SH3BGR: variants seen among roughly 807,000 people sequenced by gnomAD.
SH3BGR encodes SH3 domain binding glutamate rich protein.
SH3BGR carries 29 observed loss-of-function variants against 24.5 expected under a neutral mutation model. The ratio of observed to expected loss-of-function variants is 1.18; its 90% CI spans 0.88 to 1.61. SH3BGR has a LOEUF of 1.61. Among genes scored for constraint, SH3BGR ranks in the 40% most tolerant of loss-of-function variants. The pLI, the probability that SH3BGR is intolerant of heterozygous loss-of-function variation, is 0.00. For missense variants in SH3BGR, 162 were observed against 205.8 expected (o/e 0.79, Z 1.30); for synonymous variants, 55 against 65.7 (o/e 0.84, Z 0.79).
chr21:39,448,316 T>G (rs142398850), upstream of SH3BGR, among the ~76,000 whole-genome samples: 97 of 152,338 alleles, frequency 6.4e-4, no homozygotes, highest in African/African-American at 2.2e-3. Flanking sequence ...ATTTCCATCA[T>G]TCTACATAAT....
At chr21:39,477,057 T>C (rs2078038956) in intron 3 of SH3BGR, among the ~76,000 whole-genome samples, 2 of 152,194 alleles carry the variant, frequency 1.3e-5, no homozygotes, top group African/African-American at 4.8e-5. Flanking sequence ...ATTCCTTTTT[T>C]TATAGCATTA....
chr21:39,461,953 A>G (rs1457651196), intron 1 of SH3BGR, among the ~76,000 whole-genome samples: 1 of 151,966 alleles, frequency 6.6e-6, no homozygotes, highest in Non-Finnish European at 1.5e-5. Context: ...GGCTCAAGTG[A>G]TTCTCCTGCC....
chr21:39,510,747 A>G (rs1311133848), intron 5 of SH3BGR, among the ~76,000 whole-genome samples: 1 of 151,512 alleles, frequency 6.6e-6, no homozygotes, highest in African/African-American at 2.4e-5. Context: ...ATAAAAACAT[A>G]TTGTTAATTT....
At chr21:39,499,255 C>CTATCTATCTATCT (rs1555914088) in intron 3 of SH3BGR, among the ~76,000 whole-genome samples, 13 of 151,082 alleles carry the variant, frequency 8.6e-5, no homozygotes, top group Non-Finnish European at 1.6e-4. Context: ...ACCTATCTAT[C>CTATCTATCTATCT]ATCTGTCTAT....
At chr21:39,468,439 C>G (rs191126377) in intron 2 of SH3BGR, among the ~76,000 whole-genome samples, 7 of 152,256 alleles carry the variant, frequency 4.6e-5, no homozygotes, top group African/African-American at 1.7e-4. Flanking sequence ...CCCCTCTGCA[C>G]CAGTGATAGT....
intron 2 of SH3BGR, among the ~76,000 whole-genome samples, chr21:39,470,626 G>A (rs2077923718): frequency 6.6e-6 from 1 of 152,090 alleles, no homozygotes; most frequent in Non-Finnish European, 1.5e-5. Flanking sequence ...CATGTGTTTG[G>A]TTTTTCAGTA....
At chr21:39,508,415 T>G (rs1003575860) in intron 4 of SH3BGR, among the ~76,000 whole-genome samples, 5 of 152,228 alleles carry the variant, frequency 3.3e-5, no homozygotes, top group African/African-American at 4.8e-5. Flanking sequence ...GCTTGCACAG[T>G]AGAGACCTAT....
chr21:39,456,746 T>C (rs1356176409), intron 1 of SH3BGR, among the ~76,000 whole-genome samples: 1 of 152,156 alleles, frequency 6.6e-6, no homozygotes, highest in Non-Finnish European at 1.5e-5. Context: ...TGCCAGAAGT[T>C]TAAGAGAAAT....
rs370256220 is a variant in SH3BGR at position 39,511,397 on chromosome 21, G to T, written c.436-283G>T. Among the ~76,000 whole-genome samples, 33 of 149,936 alleles carry T rather than the reference G, an allele frequency of 2.2e-4. No homozygotes were observed. In the East Asian group the frequency reaches 2.4e-3, roughly 11 times the overall value. On this transcript the variant is annotated intron_variant, in intron 5 of 6. Transcript: ENST00000333634. This position sits in a 1 kb window ranked among gnomAD's most constrained non-coding sequence, Gnocchi z 4.2. Reference sequence around the variant, plus strand: ...TGGTGTGTATGTGGTGTGTGTGCGTGGATGTGTGTCTGGGTGGTGTGTGGG... The same window carrying T: ...TGGTGTGTATGTGGTGTGTGTGCGTTGATGTGTGTCTGGGTGGTGTGTGGG...
chr21:39,457,901 G>T lies in SH3BGR; in HGVS notation c.46-4474G>T, dbSNP rs141852198. Among the ~76,000 whole-genome samples, 619 of 151,798 alleles carry T rather than the reference G, an allele frequency of 4.1e-3. 5 individuals carry two copies. Among genetic ancestry groups the T allele is most frequent in the African/African-American group, 0.014 (582 of 41,358 alleles). The stretch of plus-strand genomic sequence containing the variant: ...GATCGTGCCACTGCGCTCCAGCCTG[G>T]GCAACAGAGGGAGACCCTGTGTCAA... On this transcript the variant is annotated intron_variant, in intron 1 of 6. Coordinates refer to ENST00000333634, the MANE Select transcript of SH3BGR (RefSeq NM_007341.3).
At chr21:39,451,729 C>T (rs1602056243), upstream of SH3BGR, 8 of 788,658 alleles carry the variant, frequency 1.0e-5, no homozygotes, top group East Asian at 1.7e-4. Flanking sequence ...CTCCCTTGGC[C>T]CCAAGGCATC....
rs1385563239 is a variant in SH3BGR, at chr21:39,511,177, A to G, written c.436-503A>G. On this transcript the variant is annotated intron_variant, in intron 5 of 6. Coordinates refer to ENST00000333634, the MANE Select transcript of SH3BGR (RefSeq NM_007341.3). This position sits in a 1 kb window ranked among gnomAD's most constrained non-coding sequence, Gnocchi z 4.2. ...GTGTATGTGTATTTGTGTGTGGTGT[A>G]TATGGTGTGTGGTGTGTTTGGTGTG... Among the ~76,000 whole-genome samples the G allele has an allele frequency of 2.0e-5, 3 of 148,064 alleles. No homozygotes were observed. Among genetic ancestry groups the G allele is most frequent in the African/African-American group, 5.0e-5 (2 of 40,116 alleles).
chr21:39,514,562 A>AT (rs1390406261), intron 6 of SH3BGR, among the ~76,000 whole-genome samples: 8 of 152,054 alleles, frequency 5.3e-5, no homozygotes, highest in African/African-American at 1.9e-4. Flanking sequence ...GGGTTTCACC[A>AT]TGTTGCCTAG....
intron 1 of SH3BGR, among the ~76,000 whole-genome samples, chr21:39,461,290 A>C (rs536784568): frequency 1.8e-4 from 28 of 152,172 alleles, no homozygotes; most frequent in African/African-American, 6.7e-4. Flanking sequence ...GGCATGCGCC[A>C]CCACGCCTGG....
intron 3 of SH3BGR, among the ~76,000 whole-genome samples, chr21:39,495,177 G>C (rs1463780301): frequency 1.3e-5 from 2 of 152,056 alleles, no homozygotes; most frequent in African/African-American, 4.8e-5. Flanking sequence ...CAGCATCCAG[G>C]TCTTTTCTGT....
chr21:39,489,933 G>A (rs2078271591), intron 3 of SH3BGR, among the ~76,000 whole-genome samples: 1 of 152,188 alleles, frequency 6.6e-6, no homozygotes. Flanking sequence ...GTTCATCACT[G>A]TGGATGGAAC....
intron 3 of SH3BGR, among the ~76,000 whole-genome samples, chr21:39,478,424 A>G (rs2078063584): frequency 1.3e-5 from 2 of 151,944 alleles, no homozygotes; most frequent in African/African-American, 4.8e-5. Context: ...TTATCTGCCT[A>G]TTTTTGTCTT....
At chr21:39,459,146 ATTTGT>A (rs1327925716) in intron 1 of SH3BGR, among the ~76,000 whole-genome samples, 1 of 151,260 alleles carries the variant, frequency 6.6e-6, no homozygotes, top group Non-Finnish European at 1.5e-5. Flanking sequence ...TTGATTGATT[ATTTGT>A]TTTATTACCC....
chr21:39,506,773 C>T (rs1373850720), intron 4 of SH3BGR, among the ~76,000 whole-genome samples: 1 of 152,128 alleles, frequency 6.6e-6, no homozygotes, highest in East Asian at 1.9e-4. Flanking sequence ...ACAGCCAAAC[C>T]ATATCAGGAG....
Sources: gnomAD v4.1 joint callset for allele counts (sites outside exome capture counted in the v4.1 genomes callset) on GRCh38, gnomAD v4.1.1 for gene constraint, Gnocchi (gnomAD v3.1) non-coding constraint, MANE v1.5 for transcripts, NCBI Gene and HGNC (gene_info 2026-07-23, HGNC 2026-07-21) for gene names.